The following PCDH15 variants were observed in gnomAD, a reference collection of about 807,000 sequenced individuals.
The protein encoded by PCDH15 is protocadherin related 15, also known as protocadherin-15.
In PCDH15, 129 loss-of-function variants were observed where a neutral mutation model predicts 178.5. The ratio of observed to expected loss-of-function variants is 0.72; its 90% CI spans 0.63 to 0.84. The LOEUF (loss-of-function observed/expected upper bound fraction) is 0.84. Ranked by LOEUF, PCDH15 falls within the 40% of genes least tolerant of loss-of-function variation. PCDH15 has a pLI of 0.00. For missense variants in PCDH15, 2,230 were observed against 2,099.9 expected (o/e 1.06, Z -1.21); for synonymous variants, 800 against 732.0 (o/e 1.09, Z -1.50).
intron 18 of PCDH15, among the ~76,000 whole-genome samples, chr10:54,046,460 C>G (rs909870994): frequency 6.6e-6 from 1 of 152,038 alleles, no homozygotes; most frequent in Non-Finnish European, 1.5e-5. Context: ...AATGAATGAA[C>G]AGGTAGAAAT....
At chr10:54,464,834 T>A (rs1204866870) in intron 3 of PCDH15, among the ~76,000 whole-genome samples, 2 of 152,018 alleles carry the variant, frequency 1.3e-5, no homozygotes, top group African/African-American at 4.8e-5. Context: ...AGAATAATGA[T>A]CACTGCAGGA....
rs141103437 is a variant in PCDH15, at chr10:53,822,790, T to C, written c.4368-2560A>G. ...TTCAACTGTTCTGTTCCTTCTATCA[T>C]CAGTGTTTCACCTTGCCTTATTTCC... On this transcript the variant is annotated intron_variant, in intron 32 of 37. Coordinates refer to ENST00000644397, the MANE Select transcript of PCDH15 (RefSeq NM_001384140.1). The C allele has an allele frequency of 1.2e-6, 2 of 1,614,122 alleles. No individual in the cohort carries two copies. Among genetic ancestry groups the C allele is most frequent in the Non-Finnish European group, 1.7e-6 (2 of 1,179,962 alleles).
intron 10 of PCDH15, among the ~76,000 whole-genome samples, chr10:54,207,378 ATGTG>A (rs879535806): frequency 1.9e-3 from 23 of 12,174 alleles, no homozygotes; most frequent in East Asian, 0.018. Context: ...GTGTGTGTGT[ATGTG>A]TGTGTGTGTG....
chr10:55,443,981 G>A (rs11004865), intron 2 of PCDH15, among the ~76,000 whole-genome samples: 14,435 of 152,074 alleles, frequency 0.095, 952 homozygotes, highest in East Asian at 0.18. Context: ...CATGTCCTTC[G>A]AAGGGAAATG....
intron 1 of PCDH15, among the ~76,000 whole-genome samples, chr10:54,685,140 C>G (rs886488051): frequency 6.6e-6 from 1 of 152,048 alleles, no homozygotes; most frequent in African/African-American, 2.4e-5. Flanking sequence ...CTGTCTTCCT[C>G]CTCCATATCT....
intron 8 of PCDH15, among the ~76,000 whole-genome samples, chr10:54,261,800 T>C (rs7071516): frequency 0.69 from 104,260 of 152,066 alleles, 36,723 homozygotes; most frequent in Middle Eastern, 0.76. Flanking sequence ...ATTTGGAGAA[T>C]GGCAGATGGC....
At chr10:54,314,674 C>T (rs1233038849) in intron 8 of PCDH15, among the ~76,000 whole-genome samples, 1 of 152,034 alleles carries the variant, frequency 6.6e-6, no homozygotes, top group East Asian at 1.9e-4. Flanking sequence ...TTTTCTGCTC[C>T]TCTGTCTCCT....
intron 1 of PCDH15, among the ~76,000 whole-genome samples, chr10:55,310,969 C>T (rs754248382): frequency 3.3e-5 from 5 of 152,034 alleles, no homozygotes; most frequent in Non-Finnish European, 5.9e-5. Context: ...CATGTGTATA[C>T]CTATGTAACA....
intron 18 of PCDH15, among the ~76,000 whole-genome samples, chr10:54,031,557 A>C (rs113612274): frequency 1.3e-5 from 1 of 75,158 alleles, no homozygotes; most frequent in Non-Finnish European, 4.6e-5. Context: ...GAGAAGGAAA[A>C]AAAAAAGATA....
intron 1 of PCDH15, among the ~76,000 whole-genome samples, chr10:54,773,092 T>A (rs1193422419): frequency 1.3e-5 from 2 of 150,850 alleles, no homozygotes; most frequent in African/African-American, 4.9e-5. Flanking sequence ...TACTGGGGCC[T>A]GTCCAAGGGG....
At chr10:54,112,096 T>G (rs1348735529) in intron 15 of PCDH15, among the ~76,000 whole-genome samples, 1 of 151,714 alleles carries the variant, frequency 6.6e-6, no homozygotes, top group Non-Finnish European at 1.5e-5. Context: ...TGAGTCGAGA[T>G]CATGGCTACT....
At chr10:55,266,695 A>G (rs541973361) in intron 1 of PCDH15, among the ~76,000 whole-genome samples, 104 of 152,282 alleles carry the variant, frequency 6.8e-4, no homozygotes, top group African/African-American at 2.5e-3. Flanking sequence ...AGAGGAACAC[A>G]CTGGCAGAAA....
intron 2 of PCDH15, among the ~76,000 whole-genome samples, chr10:54,628,460 A>C (rs2093617406): frequency 1.3e-5 from 2 of 152,232 alleles, no homozygotes; most frequent in Non-Finnish European, 1.5e-5. Context: ...TATTTTCTTA[A>C]ATTTATTTCT....
chr10:55,452,701 C>A (rs560233482), intron 2 of PCDH15, among the ~76,000 whole-genome samples: 1 of 152,170 alleles, frequency 6.6e-6, no homozygotes, highest in Non-Finnish European at 1.5e-5. Context: ...AACAAACCAA[C>A]AAACCCCCCA....
At chr10:54,348,779 T>G (rs1361209990) in intron 5 of PCDH15, among the ~76,000 whole-genome samples, 1 of 152,210 alleles carries the variant, frequency 6.6e-6, no homozygotes, top group African/African-American at 2.4e-5. Flanking sequence ...TTATTGAATT[T>G]ATTAGTTCAA....
At chr10:54,383,084 C>T (rs1949432683) in intron 3 of PCDH15, among the ~76,000 whole-genome samples, 1 of 151,996 alleles carries the variant, frequency 6.6e-6, no homozygotes, top group Non-Finnish European at 1.5e-5. Flanking sequence ...CATCCTACAG[C>T]TACTAGCAAT....
chr10:55,394,325 TA>T (rs1386145273), intron 2 of PCDH15, among the ~76,000 whole-genome samples: 1 of 152,026 alleles, frequency 6.6e-6, no homozygotes, highest in Non-Finnish European at 1.5e-5. Flanking sequence ...TGCTCTTTTT[TA>T]TTTTATTTAT....
At chr10:55,617,244 G>C (rs748775574) in intron 2 of PCDH15, among the ~76,000 whole-genome samples, 28 of 152,054 alleles carry the variant, frequency 1.8e-4, no homozygotes, top group Non-Finnish European at 3.7e-4. Flanking sequence ...TGGGAGAGCA[G>C]AGAGATTTAA....
rs1414578628 is a variant in PCDH15 at position 54,664,211 on chromosome 10, C to A, written c.52G>T (p.Gly18Cys). Residue 18 changes from glycine to cysteine, a missense_variant, in exon 2 of 38, where the codon GGC (glycine) becomes TGC (cysteine). Gly to Cys is a radical substitution (Grantham distance 159). Transcript: ENST00000644397. ...CCCAAGCAGATTTCAAAGAGAGAGCCCAGGATGATCCCTGAAGCTAAACAT... is the reference window on the plus strand; with the variant it reads ...CCCAAGCAGATTTCAAAGAGAGAGCACAGGATGATCCCTGAAGCTAAACAT... ...WTCLASGIILGSLFEICLGQY... is the reference protein window; with the variant it reads ...WTCLASGIILCSLFEICLGQY... 1 of 1,612,100 alleles carries A rather than the reference C, an allele frequency of 6.2e-7. No individual in the cohort carries two copies. Among genetic ancestry groups the A allele is most frequent in the Admixed American group, 1.7e-5 (1 of 59,770 alleles).
Sources: gnomAD v4.1 joint callset for allele counts (sites outside exome capture counted in the v4.1 genomes callset) on GRCh38, gnomAD v4.1.1 for gene constraint, MANE v1.5 for transcripts, NCBI Gene and HGNC (gene_info 2026-07-23, HGNC 2026-07-21) for gene names.